SYNPO2: variants seen among roughly 807,000 people sequenced by gnomAD.
SYNPO2 encodes the protein synaptopodin-2.
A neutral mutation model predicts 85.0 loss-of-function variants in SYNPO2; 56 were observed. The ratio of observed to expected loss-of-function variants is 0.66; its 90% CI spans 0.53 to 0.82. The LOEUF (loss-of-function observed/expected upper bound fraction) is 0.82. Ranked by LOEUF, SYNPO2 falls within the 40% of genes least tolerant of loss-of-function variation. The pLI is 0.00. For missense variants in SYNPO2, 1,575 were observed against 1,534.2 expected (o/e 1.03, Z -0.44); for synonymous variants, 602 against 591.1 (o/e 1.02, Z -0.27).
In SYNPO2 at chr4:119,023,514, C is replaced by A; in HGVS notation, c.190C>A (p.Leu64Ile). 3.1e-6 allele frequency: 5 copies of A among 1,614,064 alleles called. No individual in the cohort carries two copies. In the South Asian group the frequency reaches 3.3e-5, roughly 11 times the overall value. Residue 64 changes from leucine (L) to isoleucine (I), a missense_variant, in exon 2 of 5, where the codon CTC becomes ATC. Transcript: ENST00000307142. ...VSINGNPCAD[L>I]TYPEVIKLME... Reference sequence around the variant, plus strand: ...CATCAATGGCAACCCTTGTGCAGATCTCACCTACCCTGAAGTCATCAAGCT... The same window carrying A: ...CATCAATGGCAACCCTTGTGCAGATATCACCTACCCTGAAGTCATCAAGCT...
intron 1 of SYNPO2, among the ~76,000 whole-genome samples, chr4:118,965,667 T>C (rs115939466): frequency 2.3e-3 from 351 of 152,338 alleles, no homozygotes; most frequent in Non-Finnish European, 4.0e-3. Context: ...TGACAATATT[T>C]ACTGGATGTC....
At chr4:119,038,223 A>G (rs1738593416) in intron 4 of SYNPO2, 1 of 984,904 alleles carries the variant, frequency 1.0e-6, no homozygotes, top group South Asian at 4.7e-5. Flanking sequence ...CCAAGAGCCT[A>G]CTGTCTCTGC....
At chr4:118,939,625 T>C (rs1231195705) in intron 1 of SYNPO2, among the ~76,000 whole-genome samples, 1 of 152,182 alleles carries the variant, frequency 6.6e-6, no homozygotes, top group African/African-American at 2.4e-5. Flanking sequence ...GCTCCTATTA[T>C]GAGAGAGTGA....
chr4:119,030,796 T>A lies in SYNPO2; in HGVS notation c.2021T>A (p.Ile674Asn), dbSNP rs1028492554. 6.2e-7 allele frequency: 1 copy of A among 1,613,986 alleles called. No individual in the cohort carries two copies. The highest frequency in any genetic ancestry group is 8.5e-7 in the Non-Finnish European group (1 of 1,180,014). ...SERIASRDER[I>N]SVPAKRTGIL... ...CGAATAGCTTCCCGAGATGAGAGGATCTCAGTGCCAGCAAAAAGAACAGGA... is the reference window on the plus strand; with the variant it reads ...CGAATAGCTTCCCGAGATGAGAGGAACTCAGTGCCAGCAAAAAGAACAGGA... The change falls in exon 4 of 5, where the codon ATC (isoleucine) becomes AAC (asparagine). Residue 674 changes from isoleucine to asparagine, a missense_variant. Physicochemically the swap from Ile to Asn is moderately radical, Grantham distance 149. Transcript: ENST00000307142.
intron 4 of SYNPO2, among the ~76,000 whole-genome samples, chr4:119,050,517 T>A (rs1040061736): frequency 2.0e-5 from 3 of 152,136 alleles, no homozygotes; most frequent in Admixed American, 6.5e-5. Flanking sequence ...AAAATAGGGA[T>A]AATAATAGTG....
At chr4:119,009,259 T>C (rs571363965) in intron 1 of SYNPO2, among the ~76,000 whole-genome samples, 44 of 152,334 alleles carry the variant, frequency 2.9e-4, no homozygotes, top group African/African-American at 9.9e-4. Context: ...ACATAGGTAG[T>C]CAGTTTTCAG....
In SYNPO2 at chr4:119,010,505, C is replaced by A. The variant is rs567476338; in HGVS notation, c.106-12925C>A. On this transcript the variant is annotated intron_variant, in intron 1 of 4. Transcript: ENST00000307142. The stretch of plus-strand genomic sequence containing the variant: ...TGACTCACATTATTTCCCACCAGGT[C>A]CCCCCCACAACATGTGGGAATTATG... 9.2e-5 allele frequency among the ~76,000 whole-genome samples: 14 copies of A among 152,208 alleles called. No homozygotes were observed. The East Asian group carries it at 2.1e-3, about 23-fold the overall frequency.
chr4:119,048,358 C>G (rs1738934910), intron 4 of SYNPO2, among the ~76,000 whole-genome samples: 1 of 152,174 alleles, frequency 6.6e-6, no homozygotes, highest in African/African-American at 2.4e-5. Context: ...TAGAAATTAT[C>G]ATTCATTCAA....
chr4:118,890,733 C>CTCTCTCTCTCTCTCTGTGTG (rs749295331), intron 1 of SYNPO2, among the ~76,000 whole-genome samples: 99 of 126,184 alleles, frequency 7.8e-4, no homozygotes, highest in Middle Eastern at 4.1e-3. Flanking sequence ...CTCTCTCTCT[C>CTCTCTCTCTCTCTCTGTGTG]TGTGTGTGTG....
chr4:118,880,480 T>C (rs1403854718), intron 1 of SYNPO2, among the ~76,000 whole-genome samples: 1 of 152,258 alleles, frequency 6.6e-6, no homozygotes, highest in African/African-American at 2.4e-5. Flanking sequence ...CTGGGCACAG[T>C]GGCTCATGCC....
chr4:118,942,164 C>A (rs1263725238), intron 1 of SYNPO2, among the ~76,000 whole-genome samples: 2 of 152,140 alleles, frequency 1.3e-5, no homozygotes, highest in Non-Finnish European at 2.9e-5. Flanking sequence ...AGCCCTCAAG[C>A]CTTTCTATTC....
intron 1 of SYNPO2, among the ~76,000 whole-genome samples, chr4:118,890,733 C>CTCTCTCTCTCTCTGTGTG (rs749295331): frequency 9.9e-4 from 125 of 126,204 alleles, no homozygotes; most frequent in African/African-American, 3.2e-3. Flanking sequence ...CTCTCTCTCT[C>CTCTCTCTCTCTCTGTGTG]TGTGTGTGTG....
intron 1 of SYNPO2, among the ~76,000 whole-genome samples, chr4:118,996,718 G>A (rs555035613): frequency 2.0e-5 from 3 of 151,854 alleles, no homozygotes; most frequent in South Asian, 2.1e-4. Flanking sequence ...TAAGCCAGGC[G>A]TGGTGGCACA....
At chr4:118,909,646 C>T (rs999740120) in intron 1 of SYNPO2, among the ~76,000 whole-genome samples, 32 of 152,202 alleles carry the variant, frequency 2.1e-4, no homozygotes, top group East Asian at 5.8e-4. Flanking sequence ...GCCCTGCCCA[C>T]GCTTGGGAAG....
At chr4:119,053,308 A>C (rs1739108166) in intron 4 of SYNPO2, among the ~76,000 whole-genome samples, 1 of 152,228 alleles carries the variant, frequency 6.6e-6, no homozygotes, top group Non-Finnish European at 1.5e-5. Context: ...TTTTGGACAC[A>C]AACAGAAACT....
At chr4:118,923,192 A>C (rs964654340) in intron 1 of SYNPO2, among the ~76,000 whole-genome samples, 16 of 152,162 alleles carry the variant, frequency 1.1e-4, no homozygotes, top group African/African-American at 3.6e-4. Context: ...GTACATATAC[A>C]CCATGGAATA....
rs557999145 is a variant in SYNPO2 at position 119,044,060 on chromosome 4, C to T, written c.3252+12033C>T. 5 of 151,318 alleles carry T rather than the reference C, an allele frequency of 3.3e-5. No homozygotes were observed. The South Asian group carries it at 1.0e-3, about 32-fold the overall frequency. 9.4% of individuals were successfully genotyped at this position (151,318 alleles called of 1,614,324 possible). A position where few individuals can be genotyped will look rare whatever the true frequency, so the allele number is the denominator to read the frequency against. ...TTCGTATGTCTGATAAGTAGACACA[C>T]ATTCCAATAACTCCCGAGACATCCT... On this transcript the variant is annotated intron_variant, in intron 4 of 4. Coordinates refer to ENST00000307142, the MANE Select transcript of SYNPO2 (RefSeq NM_133477.3).
chr4:118,902,077 A>C (rs1732774893), intron 1 of SYNPO2, among the ~76,000 whole-genome samples: 1 of 152,206 alleles, frequency 6.6e-6, no homozygotes, highest in Non-Finnish European at 1.5e-5. Flanking sequence ...TTCCATGACA[A>C]ATTATTATGA....
At chr4:118,954,402 G>C (rs1578581659) in intron 1 of SYNPO2, among the ~76,000 whole-genome samples, 1 of 152,148 alleles carries the variant, frequency 6.6e-6, no homozygotes, top group South Asian at 2.1e-4. Context: ...CACACAAATG[G>C]TAATACAAAG....
Sources: allele counts gnomAD v4.1 joint callset (sites outside exome capture counted in the v4.1 genomes callset), GRCh38; gene constraint gnomAD v4.1.1; transcripts MANE v1.5; gene names NCBI Gene and HGNC (gene_info 2026-07-23, HGNC 2026-07-21).